Variants in ELMOD3 observed in about 807,000 individuals in gnomAD.
ELMOD3 encodes ELMO domain-containing protein 3.
In ELMOD3, 36 loss-of-function variants were observed where a neutral mutation model predicts 47.4. That is an observed-to-expected ratio of 0.76 (90% CI 0.58 to 1.00). ELMOD3 has a LOEUF of 1.00. Among genes scored for constraint, ELMOD3 ranks in the 50% least tolerant of loss-of-function variants. The pLI, the probability that ELMOD3 is intolerant of heterozygous loss-of-function variation, is 0.00. For synonymous variants in ELMOD3, 149 were observed against 183.5 expected (o/e 0.81, Z 1.52); for missense variants, 404 against 463.8 (o/e 0.87, Z 1.18).
intron 4 of ELMOD3, among the ~76,000 whole-genome samples, chr2:85,358,279 CAA>C (rs1019363756): frequency 5.9e-4 from 33 of 55,716 alleles, no homozygotes; most frequent in Admixed American, 9.6e-4. Context: ...ACTCTGTCTC[CAA>C]AAAAAAAAAA....
At chr2:85,368,652 T>A in intron 6 of ELMOD3, 34 bp from the exon 7 acceptor site, 1 of 1,611,082 alleles carries the variant, frequency 6.2e-7, no homozygotes, top group Non-Finnish European at 8.5e-7. Flanking sequence ...CATACCTAGA[T>A]CTCAGAGGGT....
chr2:85,362,868 A>C (rs539420921), intron 5 of ELMOD3, among the ~76,000 whole-genome samples: 1 of 152,348 alleles, frequency 6.6e-6, no homozygotes, highest in South Asian at 2.1e-4. Context: ...CAGTGAGCCA[A>C]GATCAGGCCA....
At chr2:85,377,049 C>G (rs1013259333) in intron 10 of ELMOD3, 2 of 208,858 alleles carry the variant, frequency 9.6e-6, no homozygotes, top group South Asian at 1.6e-4. Flanking sequence ...GTAAATTCAG[C>G]CTTTTTTGTA....
rs188975234 is a variant in ELMOD3, at chr2:85,377,475, G to C, written c.738+1G>C. 1 of 1,606,506 alleles carries C rather than the reference G, an allele frequency of 6.2e-7. No individual in the cohort carries two copies. The highest frequency in any genetic ancestry group is 2.2e-5 in the East Asian group (1 of 44,576). On this transcript the variant is annotated splice_donor_variant, in intron 11 of 13. Transcript: ENST00000409013. LOFTEE classifies it high-confidence loss of function. ...CCGCCTGTCTCGTCACCACATCCAG[G>C]TGAGACTTTGGTGGGAAGCCAGAGG...
At chr2:85,377,267 T>C in intron 10 of ELMOD3, 77 bp from the exon 11 acceptor site, 2 of 1,366,636 alleles carry the variant, frequency 1.5e-6, no homozygotes, top group Non-Finnish European at 2.0e-6. Flanking sequence ...GAGGCCAGTG[T>C]CAGGGCAGCT....
chr2:85,378,170 A>G (rs1406359569), intron 11 of ELMOD3, among the ~76,000 whole-genome samples: 1 of 152,238 alleles, frequency 6.6e-6, no homozygotes, highest in Non-Finnish European at 1.5e-5. Context: ...TGGCTAGCAG[A>G]TATTTAAGAA....
rs545299760 is a variant in ELMOD3, at chr2:85,363,955, G to A, written c.199+789G>A. Among the ~76,000 whole-genome samples the A allele has an allele frequency of 6.7e-4, 102 of 152,106 alleles. 1 individual carries two copies. The highest frequency in any genetic ancestry group is 3.4e-3 in the Middle Eastern group (1 of 294). ...GGACACAGAGCCAAACCACATCACCGTCTCTACTAAAAATATTTTAAAAAT... is the reference window on the plus strand; with the variant it reads ...GGACACAGAGCCAAACCACATCACCATCTCTACTAAAAATATTTTAAAAAT... On this transcript the variant is annotated intron_variant, in intron 6 of 13. Coordinates refer to ENST00000409013, the MANE Select transcript of ELMOD3 (RefSeq NM_001135022.2).
chr2:85,390,210 A>C lies in ELMOD3; in HGVS notation c.888A>C (p.Ala296=), dbSNP rs1162410275. 2 of 1,614,176 alleles carry C rather than the reference A, an allele frequency of 1.2e-6. No individual in the cohort carries two copies. The highest frequency in any genetic ancestry group is 1.7e-6 in the Non-Finnish European group (2 of 1,180,032). The change falls in exon 13 of 14, where the codon GCA becomes GCC. Residue 296 remains alanine, a synonymous_variant. Transcript: ENST00000409013. ...ATGCCGCCACATTCCTCCACCTCGC[A>C]CATGTCTGGAGGACACAGCGGAAGA... is the stretch of plus-strand genomic sequence containing the variant. ...SFYAATFLHL[A]HVWRTQRKTI... is the part of the protein sequence containing the mutation.
chr2:85,357,348 A>G (rs776937495), intron 4 of ELMOD3, 96 bp downstream of exon 4: 1 of 763,814 alleles, frequency 1.3e-6, no homozygotes, highest in Non-Finnish European at 2.1e-6. Context: ...GGAAAAATTT[A>G]GAAACCCTCA....
rs779442189 is a variant in ELMOD3 at position 85,390,520 on chromosome 2, C to T, written c.944-240C>T. ...CTGATCAAAAATTGGGAGCCAGGGT[C>T]CAATAGTTGGACTATTCAAAGTTGC... On this transcript the variant is annotated intron_variant, in intron 13 of 13. Transcript: ENST00000409013. The T allele has an allele frequency of 3.8e-6, 6 of 1,594,466 alleles. No homozygotes were observed. The South Asian group carries it at 6.8e-5, about 18-fold the overall frequency.
chr2:85,359,179 A>T (rs1187469870), intron 4 of ELMOD3, among the ~76,000 whole-genome samples: 1 of 152,160 alleles, frequency 6.6e-6, no homozygotes, highest in Non-Finnish European at 1.5e-5. Context: ...AAATGTAAAC[A>T]TGTCGGTTTT....
At chr2:85,364,825 ATTTTT>A (rs869054374) in intron 6 of ELMOD3, among the ~76,000 whole-genome samples, 108 of 69,874 alleles carry the variant, frequency 1.5e-3, no homozygotes, top group South Asian at 0.013. Flanking sequence ...ATATATATAT[ATTTTT>A]TTTTTTTTTT....
chr2:85,391,196 C>T lies in ELMOD3; in HGVS notation c.*234C>T, dbSNP rs1686331402. The T allele has an allele frequency of 5.7e-6, 3 of 525,652 alleles. No homozygotes were observed. The highest frequency in any genetic ancestry group is 2.2e-5 in the South Asian group (1 of 44,754). 32.6% of individuals were successfully genotyped at this position (525,652 alleles called of 1,614,324 possible). ...TGCCTCCAGAGCAAGGAGAATTCTG[C>T]CTTAATCTGTTGGGCTCCAGTCTCC... On this transcript the variant is annotated 3_prime_UTR_variant, in exon 14 of 14. Transcript: ENST00000409013.
chr2:85,365,176 T>C (rs2104536253), intron 6 of ELMOD3, among the ~76,000 whole-genome samples: 1 of 150,132 alleles, frequency 6.7e-6, no homozygotes, highest in South Asian at 2.1e-4. Flanking sequence ...GGCCCACGCC[T>C]GTAATCCCAG....
chr2:85,386,660 C>T (rs2104728012), intron 11 of ELMOD3, among the ~76,000 whole-genome samples: 1 of 152,270 alleles, frequency 6.6e-6, no homozygotes, highest in South Asian at 2.1e-4. Flanking sequence ...GCTGGGATTA[C>T]AGGAGTGAGC....
intron 8 of ELMOD3, 115 bp from the exon 9 acceptor site, chr2:85,370,971 C>T (rs1342897683): frequency 7.9e-7 from 1 of 1,262,442 alleles, no homozygotes; most frequent in Non-Finnish European, 1.1e-6. Context: ...AAAGGCCAGC[C>T]AGATAGCTGG....
At chr2:85,366,059 A>C (rs1684360872) in intron 6 of ELMOD3, among the ~76,000 whole-genome samples, 1 of 151,916 alleles carries the variant, frequency 6.6e-6, no homozygotes. Context: ...CCCGAGTTCA[A>C]GTGATTCTCC....
chr2:85,390,302 C>A, intron 13 of ELMOD3, 37 bp downstream of exon 13: 1 of 1,614,168 alleles, frequency 6.2e-7, no homozygotes. Context: ...AGGCTGAATG[C>A]ACAGTGTCCC....
intron 4 of ELMOD3, among the ~76,000 whole-genome samples, chr2:85,361,658 G>T (rs990427555): frequency 6.6e-6 from 1 of 152,130 alleles, no homozygotes; most frequent in Non-Finnish European, 1.5e-5. Flanking sequence ...GGCCGGGCCC[G>T]GTGGCTCACG....
Sources: gnomAD v4.1 joint callset for allele counts (sites outside exome capture counted in the v4.1 genomes callset) on GRCh38, gnomAD v4.1.1 for gene constraint, MANE v1.5 for transcripts, NCBI Gene and HGNC (gene_info 2026-07-23, HGNC 2026-07-21) for gene names.